The following CCDC39 variants were observed in gnomAD, a reference collection of about 807,000 sequenced individuals.
CCDC39 encodes the protein coiled-coil domain-containing protein 39.
CCDC39 carries 113 observed loss-of-function variants against 121.0 expected under a neutral mutation model. The observed-to-expected ratio is 0.93, with a 90% confidence interval of 0.80 to 1.09. CCDC39 has a LOEUF of 1.09. Among genes scored for constraint, CCDC39 ranks in the 50% least tolerant of loss-of-function variants. The pLI, the probability that CCDC39 is intolerant of heterozygous loss-of-function variation, is 0.00. For missense variants in CCDC39, 1,063 were observed against 1,074.7 expected (o/e 0.99, Z 0.15); for synonymous variants, 349 against 352.2 (o/e 0.99, Z 0.10).
intron 1 of CCDC39, among the ~76,000 whole-genome samples, chr3:180,675,935 A>G (rs1040506996): frequency 2.0e-5 from 3 of 152,222 alleles, no homozygotes; most frequent in African/African-American, 4.8e-5. Flanking sequence ...AAAACCTGCT[A>G]GCCATATGTA....
At chr3:180,622,666 T>C (rs1295020949) in intron 14 of CCDC39, among the ~76,000 whole-genome samples, 2 of 152,144 alleles carry the variant, frequency 1.3e-5, no homozygotes, top group African/African-American at 4.8e-5. Context: ...TCTATTGAGA[T>C]GATTATATGA....
rs749978157 is a variant in CCDC39 at position 180,647,104 on chromosome 3, A to G, written c.1502T>C (p.Leu501Ser). ...LEEKKSTCGL[L>S]ETQIKKLHND... Reference sequence around the variant, plus strand: ...ATGAAGCTTCTTGATCTGTGTTTCCAAAAGGCCACATGTAGATTTTTTCTC... The same window carrying G: ...ATGAAGCTTCTTGATCTGTGTTTCCGAAAGGCCACATGTAGATTTTTTCTC... The change falls in exon 11 of 20, where the codon TTG becomes TCG. Residue 501 changes from leucine (L) to serine (S), a missense_variant. Leu to Ser is a moderately radical substitution (Grantham distance 145, BLOSUM62 -2). Transcript: ENST00000476379. The G allele has an allele frequency of 3.1e-6, 5 of 1,607,826 alleles. No homozygotes were observed. The South Asian group carries it at 5.6e-5, about 18-fold the overall frequency.
chr3:180,618,407 A>C (rs559300258), intron 16 of CCDC39, among the ~76,000 whole-genome samples: 89 of 152,044 alleles, frequency 5.9e-4, no homozygotes, highest in African/African-American at 2.0e-3. Context: ...CTTACAAGGC[A>C]CTTTTTTTTT....
chr3:180,653,097 G>T (rs2108425350), intron 7 of CCDC39, among the ~76,000 whole-genome samples: 1 of 152,310 alleles, frequency 6.6e-6, no homozygotes, highest in African/African-American at 2.4e-5. Context: ...ATTTGTGAAA[G>T]TTGTCAAAAT....
intron 1 of CCDC39, among the ~76,000 whole-genome samples, chr3:180,677,201 T>TATACACAC (rs1553807774): frequency 4.8e-5 from 5 of 104,334 alleles, no homozygotes; most frequent in African/African-American, 1.9e-4. Flanking sequence ...TATATATATA[T>TATACACAC]ATATATATAT....
At chr3:180,620,512 T>TGGACATACTCAGTGACTTTCTAC (rs1367114583) in intron 14 of CCDC39, among the ~76,000 whole-genome samples, 4 of 151,902 alleles carry the variant, frequency 2.6e-5, no homozygotes, top group Non-Finnish European at 4.4e-5. Flanking sequence ...CCTCTAAGAG[T>TGGACATACTCAGTGACTTTCTAC]GGACATACTC....
In CCDC39 at chr3:180,616,270, C is replaced by A. The variant is rs751853252; in HGVS notation, c.2669+11G>T. On this transcript the variant is annotated intron_variant, in intron 19 of 19. Coordinates refer to ENST00000476379, the MANE Select transcript of CCDC39 (RefSeq NM_181426.2). ...AGAGTTAAGCAGATTTTTTTTTAAC[C>A]CTCCGCTTACCTTGCTGATAGTGAA... 1.2e-6 allele frequency: 2 copies of A among 1,611,686 alleles called. No individual in the cohort carries two copies. The highest frequency in any genetic ancestry group is 2.2e-5 in the South Asian group (2 of 91,004).
At chr3:180,631,427 GAA>G in intron 14 of CCDC39, 40 bp downstream of exon 14, 3 of 1,537,858 alleles carry the variant, frequency 2.0e-6, no homozygotes, top group Non-Finnish European at 2.6e-6. Flanking sequence ...AGTTAACAAA[GAA>G]AATTTCATAC....
chr3:180,623,040 C>T (rs1025698249), intron 14 of CCDC39, among the ~76,000 whole-genome samples: 1 of 151,156 alleles, frequency 6.6e-6, no homozygotes, highest in Non-Finnish European at 1.5e-5. Context: ...GCTGTTACTA[C>T]ATCTTACCCT....
intron 14 of CCDC39, among the ~76,000 whole-genome samples, chr3:180,630,771 A>G (rs1267198892): frequency 6.6e-6 from 1 of 152,218 alleles, no homozygotes; most frequent in Non-Finnish European, 1.5e-5. Context: ...GATGACAGAC[A>G]ACTGTCAAAC....
rs765920330 is a variant in CCDC39 at position 180,654,743 on chromosome 3, CTT to C, written c.930+17_930+18del. 16 of 1,569,308 alleles carry C rather than the reference CTT, an allele frequency of 1.0e-5. No individual in the cohort carries two copies. Among genetic ancestry groups the C allele is most frequent in the Non-Finnish European group, 1.3e-5 (15 of 1,150,376 alleles). On this transcript the variant is annotated intron_variant, in intron 7 of 19. Transcript: ENST00000476379. ...ATTTGTCGTGAACATACAAGCCAGTCTTTTTTGAGTTGACATACCTCACCCTT... is the reference window on the plus strand; with the variant it reads ...ATTTGTCGTGAACATACAAGCCAGTCTTTTGAGTTGACATACCTCACCCTT...
chr3:180,659,826 AT>A, intron 4 of CCDC39, 57 bp from the exon 5 acceptor site: 2 of 1,164,342 alleles, frequency 1.7e-6, no homozygotes, highest in Non-Finnish European at 1.2e-6. Context: ...TTTAAATGTT[AT>A]TAGTGTATCT....
chr3:180,614,997 A>AG lies in CCDC39; in HGVS notation c.2749dup (p.Leu917ProfsTer7). The AG allele has an allele frequency of 6.4e-7, 1 of 1,562,386 alleles. No individual in the cohort carries two copies. The highest frequency in any genetic ancestry group is 2.3e-5 in the East Asian group (1 of 42,834). ...AGATGGCCTAGAAGGGCTGCCTACT[A>AG]GTGAAGAGGAGGCCGGGAATTTAAG... On this transcript the variant is annotated frameshift_variant, in exon 20 of 20. Coordinates refer to ENST00000476379, the MANE Select transcript of CCDC39 (RefSeq NM_181426.2). LOFTEE classifies it low-confidence loss of function (END_TRUNC).
At position 180,648,287 on chromosome 3, in the gene CCDC39, T is replaced by C; in HGVS notation, c.1240A>G (p.Met414Val). Residue 414 changes from methionine (M) to valine (V), a missense_variant, in exon 10 of 20, where the codon ATG (methionine) becomes GTG (valine). Transcript: ENST00000476379. ...TCTGATAAAACAGCTTTTTCTTTCA[T>C]TGTCTCAGTCTGTAACTCCTGAGCT... Reference protein sequence around the residue: ...KKAQELQTETMKEKAVLSEIE... With the variant: ...KKAQELQTETVKEKAVLSEIE... 6.2e-7 allele frequency: 1 copy of C among 1,613,212 alleles called. No individual in the cohort carries two copies. Among genetic ancestry groups the C allele is most frequent in the Admixed American group, 1.7e-5 (1 of 59,944 alleles).
intron 14 of CCDC39, 61 bp from the exon 15 acceptor site, chr3:180,620,031 A>T (rs1717391601): frequency 1.5e-6 from 2 of 1,334,398 alleles, no homozygotes; most frequent in Non-Finnish European, 2.0e-6. Context: ...GAAATGCCTA[A>T]TGGCTGTCTT....
intron 19 of CCDC39, 30 bp from the exon 20 acceptor site, chr3:180,615,107 A>G (rs1576928654): frequency 1.3e-6 from 2 of 1,487,352 alleles, no homozygotes; most frequent in Non-Finnish European, 9.0e-7. Context: ...TATAAATTCA[A>G]TGCAAAGTTT....
At chr3:180,654,127 A>T (rs921521275) in intron 7 of CCDC39, among the ~76,000 whole-genome samples, 1 of 150,438 alleles carries the variant, frequency 6.6e-6, no homozygotes, top group Non-Finnish European at 1.5e-5. Flanking sequence ...TGCATATATG[A>T]TCAACTAATT....
intron 7 of CCDC39, among the ~76,000 whole-genome samples, chr3:180,654,316 T>A (rs1366230312): frequency 6.8e-6 from 1 of 147,614 alleles, no homozygotes; most frequent in African/African-American, 2.5e-5. Flanking sequence ...GACTTAAATA[T>A]AAGACCTGAC....
Position 180,616,530 on chromosome 3 carries a change from T to C in CCDC39, c.2572A>G (p.Thr858Ala). Residue 858 changes from threonine (T) to alanine (A), a missense_variant, in exon 18 of 20, where the codon ACA becomes GCA. Physicochemically the swap from Thr to Ala is moderately conservative, Grantham distance 58. Coordinates refer to ENST00000476379, the MANE Select transcript of CCDC39 (RefSeq NM_181426.2). ...TGCTGTATTACCTGTTGAAAGTATGTTTGAAGGATAATACGGATCTCAGTA... is the reference window on the plus strand; with the variant it reads ...TGCTGTATTACCTGTTGAAAGTATGCTTGAAGGATAATACGGATCTCAGTA... ...ENTEIRIILQ[T>A]YFQQSGLELP... The C allele has an allele frequency of 6.4e-7, 1 of 1,558,636 alleles. No individual in the cohort carries two copies. Among genetic ancestry groups the C allele is most frequent in the Non-Finnish European group, 8.7e-7 (1 of 1,154,338 alleles).
Sources: allele counts gnomAD v4.1 joint callset (sites outside exome capture counted in the v4.1 genomes callset), GRCh38; gene constraint gnomAD v4.1.1; transcripts MANE v1.5; gene names NCBI Gene and HGNC (gene_info 2026-07-23, HGNC 2026-07-21).